Variants in ZNF626 observed in about 807,000 individuals in gnomAD.
The protein encoded by ZNF626 is CTC-513N18.7.
ZNF626 carries 4 observed loss-of-function variants against 11.7 expected under a neutral mutation model. The ratio of observed to expected loss-of-function variants is 0.34; its 90% CI spans 0.17 to 0.78. ZNF626 has a LOEUF of 0.78. ZNF626 is among the 30% of genes least tolerant of loss of function. The pLI is 0.57. For missense variants in ZNF626, 588 were observed against 587.1 expected (o/e 1.00, Z -0.01); for synonymous variants, 179 against 198.6 (o/e 0.90, Z 0.83).
At chr19:20,641,126 A>G (rs1346047650) in intron 3 of ZNF626, among the ~76,000 whole-genome samples, 4 of 122,148 alleles carry the variant, frequency 3.3e-5, no homozygotes, top group Non-Finnish European at 5.0e-5. Flanking sequence ...ACAGAGTGAG[A>G]CTCCATCTCA....
At chr19:20,633,749 G>A (rs7254057) in intron 3 of ZNF626, among the ~76,000 whole-genome samples, 68,443 of 152,042 alleles carry the variant, frequency 0.45, 16,686 homozygotes, top group African/African-American at 0.64. Flanking sequence ...TGGGTGAGGC[G>A]ATGCCTCGCC....
intron 3 of ZNF626, among the ~76,000 whole-genome samples, chr19:20,631,800 T>C (rs1969909051): frequency 6.6e-6 from 1 of 151,744 alleles, no homozygotes; most frequent in South Asian, 2.1e-4. Flanking sequence ...TTAAAGTTAA[T>C]ATTGTTATGT....
At position 20,658,391 on chromosome 19, in the gene ZNF626, C is replaced by G. The variant is rs186485125; in HGVS notation, c.3+3053G>C. ...GGATCAAAAATGCCATGGTGAAGTT[C>G]CTGAGGGTGGTGCCCAGTACTGGGA... On this transcript the variant is annotated intron_variant, in intron 1 of 3. Coordinates refer to ENST00000601440, the MANE Select transcript of ZNF626 (RefSeq NM_001076675.3). 6.0e-4 allele frequency among the ~76,000 whole-genome samples: 92 copies of G among 152,186 alleles called. 1 individual carries two copies. Among genetic ancestry groups the G allele is most frequent in the African/African-American group, 1.9e-3 (77 of 41,520 alleles).
In ZNF626 at chr19:20,642,608, A is replaced by G. The variant is rs571933618; in HGVS notation, c.226+3076T>C. ...GAAACTTCCTCTCAAAACAACAACA[A>G]CAGCAGCAACAACAAACAAAAAAAC... On this transcript the variant is annotated intron_variant, in intron 3 of 3. Coordinates refer to ENST00000601440, the MANE Select transcript of ZNF626 (RefSeq NM_001076675.3). Among the ~76,000 whole-genome samples, 109 of 149,888 alleles carry G rather than the reference A, an allele frequency of 7.3e-4. 1 individual carries two copies. The East Asian group carries it at 8.1e-3, about 11-fold the overall frequency.
At chr19:20,630,610 G>A (rs1969892228) in intron 3 of ZNF626, among the ~76,000 whole-genome samples, 3 of 150,870 alleles carry the variant, frequency 2.0e-5, no homozygotes, top group African/African-American at 4.9e-5. Context: ...GTATTTCTGT[G>A]GGATCGGTGG....
chr19:20,640,680 A>G (rs1970015063), intron 3 of ZNF626, among the ~76,000 whole-genome samples: 1 of 151,878 alleles, frequency 6.6e-6, no homozygotes. Context: ...CACAATGACA[A>G]ACAAAATCAC....
At chr19:20,655,279 C>A (rs4808259) in intron 1 of ZNF626, among the ~76,000 whole-genome samples, 33,106 of 151,996 alleles carry the variant, frequency 0.22, 3,993 homozygotes, top group East Asian at 0.46. Flanking sequence ...AGTACTTCAG[C>A]CTGCAAATAT....
chr19:20,649,420 C>T (rs782263767), intron 1 of ZNF626, among the ~76,000 whole-genome samples: 4 of 152,062 alleles, frequency 2.6e-5, no homozygotes, highest in Admixed American at 6.5e-5. Context: ...TGGAAATAAG[C>T]GCCACACTGA....
chr19:20,641,653 A>G (rs1349010052), intron 3 of ZNF626, among the ~76,000 whole-genome samples: 1 of 152,078 alleles, frequency 6.6e-6, no homozygotes, highest in Non-Finnish European at 1.5e-5. Flanking sequence ...GTAGTGGCAC[A>G]ATTTTGACTC....
intron 3 of ZNF626, among the ~76,000 whole-genome samples, chr19:20,630,608 G>C (rs570450562): frequency 1.4e-3 from 217 of 151,728 alleles, no homozygotes; most frequent in Non-Finnish European, 2.5e-3. Flanking sequence ...TTGTATTTCT[G>C]TGGGATCGGT....
intron 1 of ZNF626, among the ~76,000 whole-genome samples, chr19:20,655,209 T>C (rs1320385520): frequency 2.0e-5 from 3 of 152,218 alleles, no homozygotes; most frequent in Non-Finnish European, 4.4e-5. Flanking sequence ...GAAAGCAAGG[T>C]ACAACTACAG....
intron 3 of ZNF626, among the ~76,000 whole-genome samples, chr19:20,640,252 T>A (rs76919904): frequency 2.1e-5 from 1 of 48,024 alleles, no homozygotes; most frequent in Non-Finnish European, 3.5e-5. Flanking sequence ...TAATTTTAAT[T>A]ATTAAAATTA....
At chr19:20,627,894 G>A (rs1055722248) in intron 3 of ZNF626, among the ~76,000 whole-genome samples, 69 of 152,092 alleles carry the variant, frequency 4.5e-4, no homozygotes, top group African/African-American at 1.6e-3. Flanking sequence ...TCGTCATTTA[G>A]CATTAGGTGT....
At chr19:20,647,011 T>C (rs1970087345) in intron 1 of ZNF626, among the ~76,000 whole-genome samples, 1 of 146,328 alleles carries the variant, frequency 6.8e-6, no homozygotes, top group African/African-American at 2.5e-5. Context: ...CCGCACCCGG[T>C]AATTTTTTTC....
At chr19:20,637,901 A>G (rs1454045444) in intron 3 of ZNF626, among the ~76,000 whole-genome samples, 1 of 152,198 alleles carries the variant, frequency 6.6e-6, no homozygotes, top group East Asian at 1.9e-4. Flanking sequence ...GGACTTTGGA[A>G]GGCCAACGTA....
At chr19:20,647,186 T>C (rs1334823976) in intron 1 of ZNF626, among the ~76,000 whole-genome samples, 1 of 152,166 alleles carries the variant, frequency 6.6e-6, no homozygotes, top group Non-Finnish European at 1.5e-5. Context: ...AATGCCAATG[T>C]CTTTGGCCCA....
At chr19:20,655,935 A>G (rs548615800) in intron 1 of ZNF626, among the ~76,000 whole-genome samples, 1 of 140,080 alleles carries the variant, frequency 7.1e-6, no homozygotes, top group African/African-American at 2.6e-5. Flanking sequence ...ACTTTGCCTC[A>G]AAAAAAAAAA....
At chr19:20,632,452 C>T (rs1252403907) in intron 3 of ZNF626, among the ~76,000 whole-genome samples, 3 of 152,202 alleles carry the variant, frequency 2.0e-5, no homozygotes, top group African/African-American at 7.2e-5. Flanking sequence ...GGTCTTTTCA[C>T]ATAGTCCCAT....
intron 3 of ZNF626, among the ~76,000 whole-genome samples, chr19:20,642,113 G>A (rs1352932851): frequency 1.3e-5 from 2 of 152,096 alleles, no homozygotes; most frequent in Admixed American, 1.3e-4. Flanking sequence ...AAGAATATAA[G>A]ATAAGCCATA....
Sources: gnomAD v4.1 joint callset for allele counts (sites outside exome capture counted in the v4.1 genomes callset) on GRCh38, gnomAD v4.1.1 for gene constraint, MANE v1.5 for transcripts, NCBI Gene and HGNC (gene_info 2026-07-23, HGNC 2026-07-21) for gene names.